ULK4: variants seen among roughly 807,000 people sequenced by gnomAD.
The protein encoded by ULK4 is inactive serine/threonine-protein kinase ULK4.
Under a neutral mutation model 160.6 loss-of-function variants are expected in ULK4, and 133 were observed. That is an observed-to-expected ratio of 0.83 (90% CI 0.72 to 0.96). The LOEUF (loss-of-function observed/expected upper bound fraction) is 0.96. ULK4 is among the 40% of genes least tolerant of loss of function. The probability of loss-of-function intolerance (pLI) is 0.00; values close to 1 mark genes in which losing one functional copy is unlikely to be tolerated. For synonymous variants in ULK4, 534 were observed against 539.8 expected, an observed-to-expected ratio of 0.99 and a Z score of 0.15; for missense variants, 1,580 against 1,499.5, an observed-to-expected ratio of 1.05 and a Z score of -0.89.
chr3:41,768,493 G>T (rs2039243598), intron 21 of ULK4, among the ~76,000 whole-genome samples: 1 of 152,234 alleles, frequency 6.6e-6, no homozygotes, highest in South Asian at 2.1e-4. Context: ...GTCACTCTTG[G>T]AACTCTGCCA....
At chr3:41,526,471 A>G (rs953932) in intron 32 of ULK4, among the ~76,000 whole-genome samples, 23,209 of 152,122 alleles carry the variant, frequency 0.15, 1,896 homozygotes, top group Admixed American at 0.2. Context: ...TCCTGAGATC[A>G]CTTTCTTAAG....
intron 35 of ULK4, among the ~76,000 whole-genome samples, chr3:41,374,667 C>G (rs1482092934): frequency 6.6e-6 from 1 of 152,048 alleles, no homozygotes; most frequent in East Asian, 1.9e-4. Flanking sequence ...TATGACAAAC[C>G]CACAGCCAAT....
intron 13 of ULK4, among the ~76,000 whole-genome samples, chr3:41,900,391 AGAAAC>A (rs1190491624): frequency 6.6e-6 from 1 of 152,140 alleles, no homozygotes; most frequent in Non-Finnish European, 1.5e-5. Context: ...GTGCATACGG[AGAAAC>A]AAAAGGACTG....
intron 18 of ULK4, among the ~76,000 whole-genome samples, chr3:41,833,906 T>A (rs1047180209): frequency 1.3e-5 from 2 of 152,088 alleles, no homozygotes; most frequent in Non-Finnish European, 2.9e-5. Flanking sequence ...TTGCTCCCTG[T>A]ACTATTCCTA....
At position 41,249,540 on chromosome 3, in the gene ULK4, T is replaced by C; in HGVS notation, c.3713A>G (p.Lys1238Arg). 6.2e-7 allele frequency: 1 copy of C among 1,614,126 alleles called. No individual in the cohort carries two copies. Among genetic ancestry groups the C allele is most frequent in the South Asian group, 1.1e-5 (1 of 91,052 alleles). Residue 1238 changes from lysine (K) to arginine (R), a missense_variant, in exon 36 of 37, where the codon AAG (lysine) becomes AGG (arginine). By Grantham distance (26) the Lys-to-Arg change is conservative. Transcript: ENST00000301831. The part of the protein sequence containing the change: ...TSNEKHLESL[K>R]NAGSLLRALE... ...AGCCCGCAGGAGGCTGCCTGCATTC[T>C]TGAGGCTCTCCAAGTGCTTCTCATT...
At chr3:41,875,377 G>A (rs1697261192) in intron 17 of ULK4, among the ~76,000 whole-genome samples, 1 of 152,082 alleles carries the variant, frequency 6.6e-6, no homozygotes, top group Non-Finnish European at 1.5e-5. Flanking sequence ...CTGGTACACA[G>A]CAAGCATTCA....
intron 35 of ULK4, among the ~76,000 whole-genome samples, chr3:41,396,367 A>G (rs1303873179): frequency 1.3e-5 from 2 of 152,000 alleles, no homozygotes; most frequent in Non-Finnish European, 2.9e-5. Flanking sequence ...AGTTTCAAAG[A>G]GACTGTAGAT....
chr3:41,453,685 T>G (rs75441547), intron 34 of ULK4, among the ~76,000 whole-genome samples: 5,960 of 152,242 alleles, frequency 0.039, 405 homozygotes, highest in African/African-American at 0.14. Context: ...CAGAGCTAAA[T>G]TGAGCCCATG....
intron 32 of ULK4, among the ~76,000 whole-genome samples, chr3:41,511,379 G>C (rs1292728954): frequency 6.6e-6 from 1 of 151,932 alleles, no homozygotes; most frequent in South Asian, 2.1e-4. Flanking sequence ...AAATAAAATT[G>C]ATAGACCATT....
At chr3:41,315,115 G>A (rs79759857) in intron 35 of ULK4, among the ~76,000 whole-genome samples, 2,737 of 152,172 alleles carry the variant, frequency 0.018, 66 homozygotes, top group African/African-American at 0.062. Context: ...GAGTGACATT[G>A]TTTTACATTT....
At chr3:41,598,985 A>G (rs61621407) in intron 31 of ULK4, among the ~76,000 whole-genome samples, 9,038 of 152,240 alleles carry the variant, frequency 0.059, 917 homozygotes, top group African/African-American at 0.21. Context: ...TGCCTTTTCT[A>G]GTTTCTAGAG....
At chr3:41,308,079 G>A (rs2079983092) in intron 35 of ULK4, among the ~76,000 whole-genome samples, 3 of 152,158 alleles carry the variant, frequency 2.0e-5, no homozygotes, top group Admixed American at 1.3e-4. Context: ...CACAGGGACA[G>A]CCGAGGAAGC....
At chr3:41,364,923 G>C (rs2081226386) in intron 35 of ULK4, among the ~76,000 whole-genome samples, 2 of 152,176 alleles carry the variant, frequency 1.3e-5, no homozygotes, top group Admixed American at 1.3e-4. Context: ...TCATCTGGGG[G>C]ATCTCATTAA....
At chr3:41,481,496 GAC>G (rs2084318630) in intron 32 of ULK4, among the ~76,000 whole-genome samples, 1 of 152,150 alleles carries the variant, frequency 6.6e-6, no homozygotes, top group East Asian at 1.9e-4. Flanking sequence ...AACAGACCTA[GAC>G]TTAGGAATGT....
At chr3:41,674,771 C>T (rs2035652208) in intron 29 of ULK4, among the ~76,000 whole-genome samples, 1 of 152,100 alleles carries the variant, frequency 6.6e-6, no homozygotes, top group Non-Finnish European at 1.5e-5. Context: ...ACATCATTTC[C>T]AGCTTGAAGA....
At chr3:41,938,432 G>A (rs900208806) in intron 2 of ULK4, among the ~76,000 whole-genome samples, 1 of 152,166 alleles carries the variant, frequency 6.6e-6, no homozygotes, top group Non-Finnish European at 1.5e-5. Flanking sequence ...AACAATCCCA[G>A]CACTTTGGGA....
intron 35 of ULK4, among the ~76,000 whole-genome samples, chr3:41,381,390 C>G (rs990300423): frequency 6.6e-6 from 1 of 152,164 alleles, no homozygotes; most frequent in Admixed American, 6.5e-5. Flanking sequence ...GTTGGAATTC[C>G]AGGCCTATAG....
chr3:41,634,379 TACC>T (rs1209964219), intron 30 of ULK4, among the ~76,000 whole-genome samples: 5 of 152,264 alleles, frequency 3.3e-5, no homozygotes, highest in East Asian at 1.9e-4. Flanking sequence ...AAACTCAGTA[TACC>T]ACCACAACAG....
intron 27 of ULK4, among the ~76,000 whole-genome samples, chr3:41,702,514 C>T (rs17060600): frequency 0.19 from 28,722 of 151,936 alleles, 7,379 homozygotes; most frequent in African/African-American, 0.59. Context: ...AAGTAGATGT[C>T]TGAAGGAAAA....
Sources: gnomAD v4.1 joint callset for allele counts (sites outside exome capture counted in the v4.1 genomes callset) on GRCh38, gnomAD v4.1.1 for gene constraint, MANE v1.5 for transcripts, NCBI Gene and HGNC (gene_info 2026-07-23, HGNC 2026-07-21) for gene names.